ATG10: variants seen among roughly 807,000 people sequenced by gnomAD.
ATG10 encodes the protein ubiquitin-like-conjugating enzyme ATG10.
Under a neutral mutation model 32.1 loss-of-function variants are expected in ATG10, and 30 were observed. The ratio of observed to expected loss-of-function variants is 0.94; its 90% CI spans 0.70 to 1.27. The LOEUF (loss-of-function observed/expected upper bound fraction) is 1.27, where lower values mean the gene tolerates loss of function less well. Ranked by LOEUF, ATG10 falls within the 50% of genes most tolerant of loss-of-function variation. The pLI is 0.00. For missense variants in ATG10, 233 were observed against 262.3 expected (o/e 0.89, Z 0.77); for synonymous variants, 87 against 91.5 (o/e 0.95, Z 0.28).
intron 3 of ATG10, among the ~76,000 whole-genome samples, chr5:82,073,885 G>C (rs114997192): frequency 1.3e-5 from 2 of 152,318 alleles, no homozygotes; most frequent in Non-Finnish European, 2.9e-5. Flanking sequence ...CCTTAAGGCA[G>C]CTTTACTGTT....
In ATG10 at chr5:82,124,043, C is replaced by T. The variant is rs115095614; in HGVS notation, c.217-40356C>T. On this transcript the variant is annotated intron_variant, in intron 3 of 7. Transcript: ENST00000282185. ...GGTGGAGTTAAAAATGGGCTATCTA[C>T]TTTTTGTTTTTTTCCACTTATATTC... Among the ~76,000 whole-genome samples, 481 of 150,546 alleles carry T rather than the reference C, an allele frequency of 3.2e-3. 1 individual carries two copies. Among genetic ancestry groups the T allele is most frequent in the African/African-American group, 0.01 (421 of 41,066 alleles).
intron 5 of ATG10, among the ~76,000 whole-genome samples, chr5:82,192,612 A>G (rs1038234541): frequency 3.9e-5 from 6 of 152,202 alleles, no homozygotes; most frequent in Non-Finnish European, 7.3e-5. Context: ...GAATATTATG[A>G]GGATGATTCC....
At chr5:82,084,176 G>A (rs571426694) in intron 3 of ATG10, among the ~76,000 whole-genome samples, 13 of 152,286 alleles carry the variant, frequency 8.5e-5, no homozygotes, top group South Asian at 2.1e-4. Flanking sequence ...CGAGAGCTAC[G>A]TGATGCATGC....
At chr5:82,247,673 A>G (rs1747089436) in intron 5 of ATG10, among the ~76,000 whole-genome samples, 1 of 152,206 alleles carries the variant, frequency 6.6e-6, no homozygotes, top group Non-Finnish European at 1.5e-5. Context: ...TCCCCCTGGT[A>G]TGAACCACAC....
At chr5:82,176,571 C>G (rs1744036116) in intron 4 of ATG10, among the ~76,000 whole-genome samples, 2 of 152,022 alleles carry the variant, frequency 1.3e-5, no homozygotes, top group African/African-American at 4.8e-5. Context: ...AATACACACA[C>G]ACACGCATGC....
intron 2 of ATG10, among the ~76,000 whole-genome samples, chr5:81,989,629 C>T (rs1417552404): frequency 4.7e-5 from 7 of 150,480 alleles, no homozygotes; most frequent in African/African-American, 9.8e-5. Flanking sequence ...AGACGAGTCT[C>T]GCTCTGTCGC....
At chr5:82,014,027 T>A (rs1762206485) in intron 2 of ATG10, among the ~76,000 whole-genome samples, 1 of 152,216 alleles carries the variant, frequency 6.6e-6, no homozygotes, top group South Asian at 2.1e-4. Context: ...TGGTATGTTG[T>A]GTCTTTGTTC....
chr5:82,002,299 T>C (rs531138037), intron 2 of ATG10, among the ~76,000 whole-genome samples: 1 of 152,240 alleles, frequency 6.6e-6, no homozygotes, highest in African/African-American at 2.4e-5. Context: ...ATTCCAAATA[T>C]ATTCCAAAGG....
intron 2 of ATG10, among the ~76,000 whole-genome samples, chr5:82,040,522 C>T (rs567429218): frequency 1.2e-3 from 190 of 152,102 alleles, no homozygotes; most frequent in Non-Finnish European, 2.3e-3. Context: ...TTTGAATTCT[C>T]AGGGGAAAAA....
At chr5:82,022,279 G>A (rs1762463428) in intron 2 of ATG10, among the ~76,000 whole-genome samples, 2 of 151,802 alleles carry the variant, frequency 1.3e-5, no homozygotes, top group Admixed American at 1.3e-4. Flanking sequence ...GTATTTTAAT[G>A]CATGTTTAGT....
chr5:82,132,199 T>C (rs1043400296), intron 3 of ATG10, among the ~76,000 whole-genome samples: 1 of 152,112 alleles, frequency 6.6e-6, no homozygotes, highest in South Asian at 2.1e-4. Flanking sequence ...GTGTGTACTA[T>C]AGTTCCTGGC....
Position 82,159,630 on chromosome 5 carries a change from C to T in ATG10, c.217-4769C>T, listed in dbSNP as rs1027931450. Among the ~76,000 whole-genome samples, 5 of 152,198 alleles carry T rather than the reference C, an allele frequency of 3.3e-5. No individual in the cohort carries two copies. The East Asian group carries it at 5.8e-4, about 18-fold the overall frequency. ...GTATAATGAACACCCAGGGACCCAT[C>T]TAACAATCTCAGCCATCACCACTCC... On this transcript the variant is annotated intron_variant, in intron 3 of 7. Transcript: ENST00000282185.
intron 3 of ATG10, among the ~76,000 whole-genome samples, chr5:82,149,629 A>AGAGTCCTGCTGCCCC (rs1196416360): frequency 3.3e-5 from 5 of 151,866 alleles, no homozygotes; most frequent in Admixed American, 1.3e-4. Context: ...TCTGCTGCCC[A>AGAGTCCTGCTGCCCC]GAGTCCTGTG....
At chr5:82,248,214 C>G (rs1392395708) in intron 5 of ATG10, among the ~76,000 whole-genome samples, 1 of 152,196 alleles carries the variant, frequency 6.6e-6, no homozygotes, top group Non-Finnish European at 1.5e-5. Flanking sequence ...CAGAATGTCC[C>G]CATTAAATTA....
intron 2 of ATG10, among the ~76,000 whole-genome samples, chr5:82,020,854 C>A (rs938486940): frequency 1.3e-5 from 2 of 152,078 alleles, no homozygotes; most frequent in Non-Finnish European, 2.9e-5. Flanking sequence ...AAATTGAGGT[C>A]ATTAATGAAA....
chr5:82,040,239 C>G (rs1426067112), intron 2 of ATG10, among the ~76,000 whole-genome samples: 2 of 152,144 alleles, frequency 1.3e-5, no homozygotes, highest in Admixed American at 6.5e-5. Flanking sequence ...AACTTGTTGC[C>G]ATCTTTAATT....
chr5:81,985,385 G>C (rs921782332), intron 1 of ATG10, among the ~76,000 whole-genome samples: 3 of 151,874 alleles, frequency 2.0e-5, no homozygotes, highest in African/African-American at 7.3e-5. Context: ...AATGGGTTCT[G>C]TTACCATCTA....
At chr5:81,999,122 A>G (rs1164220594) in intron 2 of ATG10, among the ~76,000 whole-genome samples, 1 of 150,650 alleles carries the variant, frequency 6.6e-6, no homozygotes, top group Non-Finnish European at 1.5e-5. Flanking sequence ...CCACACACTC[A>G]GACATAAAAA....
At chr5:82,230,165 A>G (rs1053175948) in intron 5 of ATG10, among the ~76,000 whole-genome samples, 1 of 152,186 alleles carries the variant, frequency 6.6e-6, no homozygotes, top group Admixed American at 6.5e-5. Context: ...AGTTGACTAA[A>G]GTCTTTATGG....
Sources: gnomAD v4.1 joint callset for allele counts (sites outside exome capture counted in the v4.1 genomes callset) on GRCh38, gnomAD v4.1.1 for gene constraint, MANE v1.5 for transcripts, NCBI Gene and HGNC (gene_info 2026-07-23, HGNC 2026-07-21) for gene names.